GALNTL6: variants seen among roughly 807,000 people sequenced by gnomAD.
GALNTL6 encodes the protein polypeptide N-acetylgalactosaminyltransferase like 6, also known as polypeptide N-acetylgalactosaminyltransferase-like 6.
A neutral mutation model predicts 73.7 loss-of-function variants in GALNTL6; 46 were observed. That is an observed-to-expected ratio of 0.62 (90% CI 0.49 to 0.80). The LOEUF (loss-of-function observed/expected upper bound fraction) is 0.80, where lower values mean the gene tolerates loss of function less well. Among genes scored for constraint, GALNTL6 ranks in the 30% least tolerant of loss-of-function variants. The probability of loss-of-function intolerance (pLI) is 0.00; values close to 1 mark genes in which losing one functional copy is unlikely to be tolerated. For missense variants in GALNTL6, 604 were observed against 755.0 expected, an observed-to-expected ratio of 0.80 and a Z score of 2.34; for synonymous variants, 259 against 263.7, an observed-to-expected ratio of 0.98 and a Z score of 0.17.
rs1735648173 is a variant in GALNTL6, at chr4:172,193,493, T to G, written c.139-36163T>G. Among the ~76,000 whole-genome samples the G allele has an allele frequency of 2.6e-5, 4 of 151,710 alleles. No homozygotes were observed. The South Asian group carries it at 8.4e-4, about 32-fold the overall frequency. The stretch of plus-strand genomic sequence containing the variant: ...AAAAGCAACAACAACAACAACAACA[T>G]CAACAAAAAATACCCCACAAAAACC... On this transcript the variant is annotated intron_variant, in intron 2 of 12. Transcript: ENST00000506823.
chr4:172,478,877 A>G (rs957607537), intron 5 of GALNTL6, among the ~76,000 whole-genome samples: 4 of 152,120 alleles, frequency 2.6e-5, no homozygotes, highest in African/African-American at 9.7e-5. Context: ...TTCTCAAAAG[A>G]AGATGTACAA....
At chr4:173,038,347 A>G (rs1310381791) in intron 12 of GALNTL6, among the ~76,000 whole-genome samples, 2 of 152,138 alleles carry the variant, frequency 1.3e-5, no homozygotes, top group African/African-American at 4.8e-5. Context: ...CATCTGGGAC[A>G]GCAAATATCT....
intron 5 of GALNTL6, among the ~76,000 whole-genome samples, chr4:172,550,550 C>G (rs1240887321): frequency 1.3e-5 from 2 of 152,088 alleles, no homozygotes; most frequent in Non-Finnish European, 2.9e-5. Flanking sequence ...GCATTTTAGG[C>G]AAATTAGCTC....
At chr4:172,655,482 T>C (rs1730945086) in intron 5 of GALNTL6, among the ~76,000 whole-genome samples, 1 of 152,158 alleles carries the variant, frequency 6.6e-6, no homozygotes, top group Non-Finnish European at 1.5e-5. Flanking sequence ...CATCGTTTGA[T>C]TAGGCATTTT....
intron 5 of GALNTL6, among the ~76,000 whole-genome samples, chr4:172,457,277 A>G (rs542401714): frequency 6.6e-6 from 1 of 152,266 alleles, no homozygotes; most frequent in South Asian, 2.1e-4. Context: ...TGTAAAGACC[A>G]TTGACACCAT....
intron 10 of GALNTL6, among the ~76,000 whole-genome samples, chr4:172,974,827 G>A (rs967027323): frequency 2.6e-5 from 4 of 152,194 alleles, no homozygotes; most frequent in Non-Finnish European, 4.4e-5. Flanking sequence ...TCCAGGCACC[G>A]GCACGGACAC....
rs190385956 is a variant in GALNTL6 at position 171,944,357 on chromosome 4, G to A, written c.138+129639G>A. On this transcript the variant is annotated intron_variant, in intron 2 of 12. Transcript: ENST00000506823. The stretch of plus-strand genomic sequence containing the variant: ...ACTTTCCTTAGGATATTGCTAAACA[G>A]TATGAAGACTAAGTGATCTACGCCA... Among the ~76,000 whole-genome samples the A allele has an allele frequency of 9.5e-4, 145 of 152,084 alleles. 1 individual carries two copies. The highest frequency in any genetic ancestry group is 3.4e-3 in the African/African-American group (140 of 41,538).
chr4:172,380,714 A>G (rs1021957143), intron 5 of GALNTL6, among the ~76,000 whole-genome samples: 11 of 152,234 alleles, frequency 7.2e-5, no homozygotes, highest in African/African-American at 2.7e-4. Flanking sequence ...AACATATTCC[A>G]TATAATTTAC....
chr4:172,955,739 G>A (rs1047549056), intron 10 of GALNTL6, among the ~76,000 whole-genome samples: 2 of 152,092 alleles, frequency 1.3e-5, no homozygotes, highest in African/African-American at 4.8e-5. Flanking sequence ...GAGTGCAAGT[G>A]GGCTGAGTCC....
chr4:172,751,158 CA>C (rs1487671608), intron 5 of GALNTL6, among the ~76,000 whole-genome samples: 1 of 152,078 alleles, frequency 6.6e-6, no homozygotes, highest in Non-Finnish European at 1.5e-5. Context: ...GTGATAGAAA[CA>C]AAATTAGCAC....
chr4:172,097,848 T>C (rs1390579368), intron 2 of GALNTL6, among the ~76,000 whole-genome samples: 2 of 152,208 alleles, frequency 1.3e-5, no homozygotes, highest in East Asian at 3.9e-4. Context: ...TCAGTCAGCA[T>C]GTTTGCTCTT....
At chr4:172,227,133 G>A (rs944926201) in intron 2 of GALNTL6, among the ~76,000 whole-genome samples, 4 of 152,194 alleles carry the variant, frequency 2.6e-5, no homozygotes, top group South Asian at 2.1e-4. Flanking sequence ...GTAGAGAAGG[G>A]CTTGCTAATT....
rs550291685 is a variant in GALNTL6, at chr4:172,742,597, G to A, written c.554-66764G>A. Among the ~76,000 whole-genome samples the A allele has an allele frequency of 2.6e-5, 4 of 152,176 alleles. No individual in the cohort carries two copies. In the East Asian group the frequency reaches 5.8e-4, roughly 22 times the overall value. On this transcript the variant is annotated intron_variant, in intron 5 of 12. Transcript: ENST00000506823. ...AGGAAAAAGTTGGCAAGCAGGTAAT[G>A]AGAAGGGCCGCTACCATGAAAACAC...
At chr4:172,620,986 T>C (rs1286704883) in intron 5 of GALNTL6, among the ~76,000 whole-genome samples, 3 of 152,210 alleles carry the variant, frequency 2.0e-5, no homozygotes, top group Non-Finnish European at 4.4e-5. Context: ...GAAAACTCTC[T>C]TTTTGTGACC....
At chr4:172,108,336 G>T (rs947339603) in intron 2 of GALNTL6, among the ~76,000 whole-genome samples, 1 of 152,140 alleles carries the variant, frequency 6.6e-6, no homozygotes, top group Non-Finnish European at 1.5e-5. Context: ...GGTATAAAGA[G>T]ATTTACTATA....
At chr4:171,865,214 GATAAATTTCAAGAA>G (rs1359905216) in intron 2 of GALNTL6, among the ~76,000 whole-genome samples, 2 of 152,056 alleles carry the variant, frequency 1.3e-5, no homozygotes, top group Non-Finnish European at 2.9e-5. Context: ...TTATTCCCTT[GATAAATTTCAAGAA>G]ACCTGGTTTC....
intron 2 of GALNTL6, among the ~76,000 whole-genome samples, chr4:172,164,218 A>T (rs140565732): frequency 6.6e-6 from 1 of 152,092 alleles, no homozygotes; most frequent in Non-Finnish European, 1.5e-5. Flanking sequence ...GTTTCAAACA[A>T]AAAACAGACC....
intron 5 of GALNTL6, among the ~76,000 whole-genome samples, chr4:172,720,041 C>T (rs1449309661): frequency 1.3e-5 from 2 of 152,016 alleles, no homozygotes; most frequent in African/African-American, 4.8e-5. Flanking sequence ...GAGTTTTGGC[C>T]GGCTTCTTTA....
chr4:172,125,877 A>T (rs1272708813), intron 2 of GALNTL6, among the ~76,000 whole-genome samples: 1 of 152,096 alleles, frequency 6.6e-6, no homozygotes, highest in Admixed American at 6.5e-5. Context: ...ATATTTTGAT[A>T]CAAACTTTTA....
Sources: allele counts gnomAD v4.1 joint callset (sites outside exome capture counted in the v4.1 genomes callset), GRCh38; gene constraint gnomAD v4.1.1; transcripts MANE v1.5; gene names NCBI Gene and HGNC (gene_info 2026-07-23, HGNC 2026-07-21).